Variants in POLR1C observed in about 807,000 individuals in gnomAD.
The protein encoded by POLR1C is DNA-directed RNA polymerases I and III subunit RPAC1.
A neutral mutation model predicts 38.3 loss-of-function variants in POLR1C; 42 were observed. That is an observed-to-expected ratio of 1.10 (90% CI 0.86 to 1.42). The LOEUF is 1.42. Among genes scored for constraint, POLR1C ranks in the 40% most tolerant of loss-of-function variants. The probability of loss-of-function intolerance (pLI) is 0.00; values close to 1 mark genes in which losing one functional copy is unlikely to be tolerated. For missense variants in POLR1C, 507 were observed against 450.5 expected (o/e 1.13, Z -1.14); for synonymous variants, 163 against 163.9 (o/e 0.99, Z 0.04).
In POLR1C at chr6:43,545,523, A is replaced by G. The variant is rs1171844978; in HGVS notation, c.*5-5445A>G. On this transcript the variant is annotated intron_variant, in intron 9 of 10. Coordinates refer to the POLR1C transcript ENST00000607635. ...GGAGTTCGAGACCAGCCTGGCTAACATGGCGAAGCCCTGTCTCTACTAAAA... is the reference window on the plus strand; with the variant it reads ...GGAGTTCGAGACCAGCCTGGCTAACGTGGCGAAGCCCTGTCTCTACTAAAA... 3.3e-5 allele frequency among the ~76,000 whole-genome samples: 5 copies of G among 152,218 alleles called. No individual in the cohort carries two copies. The East Asian group carries it at 9.8e-4, about 30-fold the overall frequency.
At chr6:43,553,530 C>T (rs1297940719) in intron 10 of POLR1C, 3 of 1,321,154 alleles carry the variant, frequency 2.3e-6, no homozygotes, top group Non-Finnish European at 3.1e-6. Flanking sequence ...CACACATACA[C>T]ACACACACAC....
rs1210227883 is a variant in POLR1C at position 43,520,927 on chromosome 6, A to G, written c.806-5A>G. 1.2e-6 allele frequency: 2 copies of G among 1,613,342 alleles called. No homozygotes were observed. Among genetic ancestry groups the G allele is most frequent in the African/African-American group, 1.3e-5 (1 of 74,920 alleles). On this transcript the variant is annotated splice_polypyrimidine_tract_variant and splice_region_variant and intron_variant, in intron 7 of 8. Transcript: ENST00000642195. ...GAATAAAAAAACATGGTTTGTTCTC[A>G]TTAGGTAAAAAGGTGGCCAGAGTTG...
At chr6:43,554,587 G>T (rs1202630553) in intron 10 of POLR1C, among the ~76,000 whole-genome samples, 2 of 150,980 alleles carry the variant, frequency 1.3e-5, no homozygotes, top group Non-Finnish European at 2.9e-5. Context: ...ACCACGCCTG[G>T]CTAATTTTTT....
chr6:43,524,603 C>CTG, downstream of POLR1C: 1 of 1,613,984 alleles, frequency 6.2e-7, no homozygotes, highest in Non-Finnish European at 8.5e-7. Flanking sequence ...GGATTTGCTC[C>CTG]ATTACAGCTC....
At chr6:43,535,259 C>CA (rs1554133443) in intron 9 of POLR1C, among the ~76,000 whole-genome samples, 1 of 147,954 alleles carries the variant, frequency 6.8e-6, no homozygotes, top group Non-Finnish European at 1.5e-5. Context: ...GACTCTGTCT[C>CA]AAAAAACAAC....
At chr6:43,531,663 G>A, downstream of POLR1C, 2 of 1,164,102 alleles carry the variant, frequency 1.7e-6, no homozygotes, top group South Asian at 1.2e-5. Flanking sequence ...CTGTTGTTCA[G>A]GGGTGAAGAT....
intron 8 of POLR1C, chr6:43,527,067 G>GAAAATTAACAGCCTCCATGTCCAAGA (rs1793643184): frequency 3.7e-6 from 1 of 270,384 alleles, no homozygotes; most frequent in Non-Finnish European, 7.1e-6. Context: ...AAAATAAAAA[G>GAAAATTAACAGCCTCCATGTCCAAGA]AAAATTAACA....
chr6:43,529,403 A>G (rs958880931), exon 9 of POLR1C: 3 of 364,628 alleles, frequency 8.2e-6, no homozygotes, highest in Non-Finnish European at 1.5e-5. Flanking sequence ...AAAAAAAAAA[A>G]ATTAGTCGGG....
chr6:43,551,191 G>T, intron 10 of POLR1C: 1 of 1,226,412 alleles, frequency 8.2e-7, no homozygotes, highest in Non-Finnish European at 1.1e-6. Context: ...AGTAATTTGA[G>T]TCCAGCCTGG....
At chr6:43,538,911 G>C in intron 9 of POLR1C, 1 of 1,225,320 alleles carries the variant, frequency 8.2e-7, no homozygotes, top group Non-Finnish European at 1.2e-6. Flanking sequence ...TCCTGATAGG[G>C]AGACTTGGTA....
downstream of POLR1C, among the ~76,000 whole-genome samples, chr6:43,531,270 G>A (rs1329087723): frequency 1.3e-5 from 2 of 152,188 alleles, no homozygotes; most frequent in Non-Finnish European, 2.9e-5. Context: ...CATGAAGCAG[G>A]CTGGGATTGT....
intron 9 of POLR1C, among the ~76,000 whole-genome samples, chr6:43,536,759 A>T (rs13196916): frequency 5.0e-3 from 124 of 24,916 alleles, no homozygotes; most frequent in Non-Finnish European, 7.9e-3. Context: ...GACTCTATCT[A>T]AAAAAAAAAA....
intron 8 of POLR1C, chr6:43,526,901 G>A (rs1180306730): frequency 2.6e-5 from 18 of 703,274 alleles, no homozygotes; most frequent in Non-Finnish European, 5.0e-6. Context: ...TTCACCAATA[G>A]AAATAGAGGC....
downstream of POLR1C, among the ~76,000 whole-genome samples, chr6:43,531,326 G>A (rs1793961461): frequency 6.6e-6 from 1 of 152,192 alleles, no homozygotes; most frequent in Non-Finnish European, 1.5e-5. Flanking sequence ...AGGAAAGCAG[G>A]CTTTCATTTC....
intron 9 of POLR1C, among the ~76,000 whole-genome samples, chr6:43,535,040 C>G (rs144185598): frequency 0.036 from 5,520 of 151,444 alleles, 342 homozygotes; most frequent in African/African-American, 0.13. Flanking sequence ...TGCCTGTAAT[C>G]CCAGCACTTT....
downstream of POLR1C, chr6:43,530,720 T>C (rs1282881043): frequency 1.9e-6 from 3 of 1,613,882 alleles, no homozygotes; most frequent in African/African-American, 1.3e-5. Flanking sequence ...GTCAGGAATA[T>C]TGTTCAAGTT....
intron 9 of POLR1C, among the ~76,000 whole-genome samples, chr6:43,543,732 T>C (rs775594705): frequency 6.6e-6 from 1 of 151,988 alleles, no homozygotes; most frequent in Non-Finnish European, 1.5e-5. Context: ...GGGAAGACTC[T>C]TCCCTGTGAT....
At chr6:43,533,845 A>G, downstream of POLR1C, 1 of 1,308,914 alleles carries the variant, frequency 7.6e-7, no homozygotes, top group Non-Finnish European at 1.1e-6. Context: ...AAAACAACAA[A>G]AAAAGGGGAC....
At chr6:43,530,801 C>G, downstream of POLR1C, 1 of 1,611,794 alleles carries the variant, frequency 6.2e-7, no homozygotes, top group Admixed American at 1.7e-5. Flanking sequence ...CATGGAAGGG[C>G]CTGCCTTCCC....
Sources: gnomAD v4.1 joint callset for allele counts (sites outside exome capture counted in the v4.1 genomes callset) on GRCh38, gnomAD v4.1.1 for gene constraint, MANE v1.5 for transcripts, NCBI Gene and HGNC (gene_info 2026-07-23, HGNC 2026-07-21) for gene names.